Variants in ABCG2 observed in about 807,000 individuals in gnomAD.
The protein encoded by ABCG2 is ATP binding cassette subfamily G member 2 (JR blood group).
A neutral mutation model predicts 73.5 loss-of-function variants in ABCG2; 80 were observed. The observed-to-expected ratio is 1.09, with a 90% CI of 0.91 to 1.31. The LOEUF (loss-of-function observed/expected upper bound fraction) is 1.31, where lower values mean the gene tolerates loss of function less well. Among genes scored for constraint, ABCG2 ranks in the 50% most tolerant of loss-of-function variants. The pLI is 0.00. For synonymous variants in ABCG2, 269 were observed against 282.4 expected, an observed-to-expected ratio of 0.95 and a Z score of 0.48; for missense variants, 796 against 786.2, an observed-to-expected ratio of 1.01 and a Z score of -0.15.
chr4:88,174,374 T>A (rs1025196491), intron 1 of ABCG2, among the ~76,000 whole-genome samples: 1 of 152,190 alleles, frequency 6.6e-6, no homozygotes, highest in East Asian at 1.9e-4. Flanking sequence ...CCTGTGTCCA[T>A]GTGTTCTCAC....
intron 8 of ABCG2, 55 bp downstream of exon 8, chr4:88,114,902 A>G: frequency 7.9e-7 from 1 of 1,267,328 alleles, no homozygotes; most frequent in Non-Finnish European, 1.1e-6. Flanking sequence ...CCACATTGCT[A>G]AACTTCAGCC....
chr4:88,219,810 C>T (rs1167841793), intron 1 of ABCG2, among the ~76,000 whole-genome samples: 1 of 149,942 alleles, frequency 6.7e-6, no homozygotes, highest in Admixed American at 6.7e-5. Context: ...AGGATGGTCT[C>T]GATCTCCTGA....
intron 1 of ABCG2, among the ~76,000 whole-genome samples, chr4:88,142,739 G>A (rs563688197): frequency 6.6e-6 from 1 of 152,220 alleles, no homozygotes; most frequent in Non-Finnish European, 1.5e-5. Flanking sequence ...TTGAACGCAG[G>A]AATTCGAGGC....
rs375034577 is a variant in ABCG2, at chr4:88,196,825, A to G, written c.-20+34169T>C. Among the ~76,000 whole-genome samples, 120 of 151,694 alleles carry G rather than the reference A, an allele frequency of 7.9e-4. 6 individuals are homozygous for G. In the South Asian group the frequency reaches 0.023, roughly 29 times the overall value. On this transcript the variant is annotated intron_variant, in intron 1 of 15. Coordinates refer to the ABCG2 transcript ENST00000515655. The stretch of plus-strand genomic sequence containing the variant: ...AATCCCCTTTAGCATCGGACTGCGC[A>G]GGGAAATTTAAACCATTTTTAAATA...
At chr4:88,198,028 C>CAAAA (rs34030026) in intron 1 of ABCG2, among the ~76,000 whole-genome samples, 1 of 115,614 alleles carries the variant, frequency 8.6e-6, no homozygotes, top group Non-Finnish European at 1.8e-5. Context: ...AGACTGTCTC[C>CAAAA]AAAAAAAAAA....
intron 1 of ABCG2, among the ~76,000 whole-genome samples, chr4:88,174,015 G>A (rs1025097306): frequency 6.6e-6 from 1 of 152,104 alleles, no homozygotes; most frequent in African/African-American, 2.4e-5. Context: ...ACAGCAGTGT[G>A]TCCTTGAGAA....
Position 88,105,646 on chromosome 4 carries a change from G to A in ABCG2, c.1277+1538C>T, listed in dbSNP as rs373466322. On this transcript the variant is annotated intron_variant, in intron 10 of 15. Transcript: ENST00000237612. Reference sequence around the variant, plus strand: ...TAAGTCAAACATATATATTTAAAAAGTGACAGAAATTAGCTCACAGGCAAC... The same window carrying A: ...TAAGTCAAACATATATATTTAAAAAATGACAGAAATTAGCTCACAGGCAAC... 3.2e-4 allele frequency among the ~76,000 whole-genome samples: 48 copies of A among 152,228 alleles called. No individual in the cohort carries two copies. The South Asian group carries it at 1.0e-2, about 32-fold the overall frequency.
chr4:88,160,848 CAA>C (rs765758097), upstream of ABCG2, among the ~76,000 whole-genome samples: 21 of 37,446 alleles, frequency 5.6e-4, no homozygotes, highest in Middle Eastern at 0.017. Flanking sequence ...GACTCCATCT[CAA>C]AAAAAAAAAA....
rs571996291 is a variant in ABCG2 at position 88,167,191 on chromosome 4, G to T, written c.-19-27177C>A. On this transcript the variant is annotated intron_variant, in intron 1 of 15. Transcript: ENST00000515655. ...TCTCTAAAGAACCAAGCAGAGTAAGGTTGTTGGCAGAATCCATTTCTTTTT... is the reference window on the plus strand; with the variant it reads ...TCTCTAAAGAACCAAGCAGAGTAAGTTTGTTGGCAGAATCCATTTCTTTTT... Among the ~76,000 whole-genome samples the T allele has an allele frequency of 4.6e-3, 704 of 151,856 alleles. 7 individuals carry two copies. Among genetic ancestry groups the T allele is most frequent in the South Asian group, 0.015 (73 of 4,794 alleles).
intron 1 of ABCG2, among the ~76,000 whole-genome samples, chr4:88,181,430 G>T (rs922874465): frequency 8.5e-6 from 1 of 116,972 alleles, no homozygotes; most frequent in African/African-American, 3.9e-5. Flanking sequence ...AAAAGAATGG[G>T]CTGTAAGATA....
rs148362304 is a variant in ABCG2, at chr4:88,149,072, G to A, written c.-19-9058C>T. Among the ~76,000 whole-genome samples, 510 of 152,198 alleles carry A rather than the reference G, an allele frequency of 3.4e-3. 1 individual carries two copies. The highest frequency in any genetic ancestry group is 0.01 in the Middle Eastern group (3 of 294). On this transcript the variant is annotated intron_variant, in intron 1 of 15. Transcript: ENST00000237612. ...AAAAAATAAAATTGAAAAATTAGCC[G>A]GGTGTGGTGGCACATGCCTGTAGAC...
In ABCG2 at chr4:88,101,708, G is replaced by A. The variant is rs28480245; in HGVS notation, c.1278-389C>T. 6.3e-3 allele frequency among the ~76,000 whole-genome samples: 952 copies of A among 151,786 alleles called. 6 individuals are homozygous for A. Among genetic ancestry groups the A allele is most frequent in the African/African-American group, 0.022 (916 of 41,360 alleles). Reference sequence around the variant, plus strand: ...AATGGGAAGAGCGTCCTAATAGGAAGAGACACCAGAGCTCTTGCTCTGCCA... The same window carrying A: ...AATGGGAAGAGCGTCCTAATAGGAAAAGACACCAGAGCTCTTGCTCTGCCA... On this transcript the variant is annotated intron_variant, in intron 10 of 15. Transcript: ENST00000237612.
rs2110178124 is a variant in ABCG2, at chr4:88,097,562, A to C, written c.1538T>G (p.Leu513Arg). ...ADAFFVMMFTLMMVAYSASSM... is the reference protein window; with the variant it reads ...ADAFFVMMFTRMMVAYSASSM... ...ACTGGCTGAATAAGCCACCATCATAAGGGTAAACATCATAACGAAGAAGGC... is the reference window on the plus strand; with the variant it reads ...ACTGGCTGAATAAGCCACCATCATACGGGTAAACATCATAACGAAGAAGGC... Residue 513 changes from leucine to arginine, a missense_variant, in exon 13 of 16, where the codon CTT (leucine) becomes CGT (arginine). Transcript: ENST00000237612. The C allele has an allele frequency of 6.2e-7, 1 of 1,614,210 alleles. No homozygotes were observed. The highest frequency in any genetic ancestry group is 2.2e-5 in the East Asian group (1 of 44,886).
intron 1 of ABCG2, among the ~76,000 whole-genome samples, chr4:88,229,102 T>A (rs1057417504): frequency 2.0e-5 from 3 of 152,216 alleles, no homozygotes; most frequent in Non-Finnish European, 4.4e-5. Context: ...TCGCTCTTCA[T>A]AATAAATCTT....
At position 88,128,680 on chromosome 4, in the gene ABCG2, G is replaced by A. The variant is rs868779100; in HGVS notation, c.531+2381C>T. ...GCAAACTAACACAGGAACAGAAAACGAAACACTGCATGTTCTCACTCATAA... is the reference window on the plus strand; with the variant it reads ...GCAAACTAACACAGGAACAGAAAACAAAACACTGCATGTTCTCACTCATAA... On this transcript the variant is annotated intron_variant, in intron 5 of 15. Transcript: ENST00000237612. 9.9e-5 allele frequency among the ~76,000 whole-genome samples: 15 copies of A among 152,200 alleles called. No individual in the cohort carries two copies. In the South Asian group the frequency reaches 2.7e-3, roughly 27 times the overall value.
At chr4:88,131,296 T>C (rs568213194) in intron 4 of ABCG2, 83 bp from the exon 5 acceptor site, 3 of 1,391,474 alleles carry the variant, frequency 2.2e-6, no homozygotes, top group Non-Finnish European at 3.0e-6. Context: ...CATAACATAA[T>C]CCACAAAGAT....
chr4:88,149,041 C>T (rs901361129), intron 1 of ABCG2, among the ~76,000 whole-genome samples: 2 of 152,134 alleles, frequency 1.3e-5, no homozygotes, highest in African/African-American at 4.8e-5. Flanking sequence ...TTCTGCTCGT[C>T]TGTACAAAAA....
chr4:88,124,607 G>A lies in ABCG2; in HGVS notation c.532-2815C>T, dbSNP rs148538270. On this transcript the variant is annotated intron_variant, in intron 5 of 15. Transcript: ENST00000237612. ...TAAAGAGATCAATTCAACAAGAAGA[G>A]CTAACTATCTAAAATCTATATGCAC... is the stretch of plus-strand genomic sequence containing the variant. Among the ~76,000 whole-genome samples, 408 of 152,260 alleles carry A rather than the reference G, an allele frequency of 2.7e-3. 1 individual carries two copies. The highest frequency in any genetic ancestry group is 9.2e-3 in the African/African-American group (383 of 41,540).
chr4:88,131,162 C>A lies in ABCG2; in HGVS notation c.430G>T (p.Ala144Ser). The A allele has an allele frequency of 6.2e-7, 1 of 1,614,082 alleles. No individual in the cohort carries two copies. Among genetic ancestry groups the A allele is most frequent in the Non-Finnish European group, 8.5e-7 (1 of 1,180,010 alleles). The change falls in exon 5 of 16, where the codon GCA (alanine) becomes TCA (serine). Residue 144 changes from alanine (A) to serine (S), a missense_variant. Ala to Ser is a moderately conservative substitution (Grantham distance 99). Coordinates refer to ENST00000237612, the MANE Select transcript of ABCG2 (RefSeq NM_004827.3). ...ATAGTTGTTGCAAGCCGAAGAGCTG[C>A]TGAGAACTGTAAGTTTTCTCTCACC... ...LTVRENLQFS[A>S]ALRLATTMTN...
Sources: gnomAD v4.1 joint callset for allele counts (sites outside exome capture counted in the v4.1 genomes callset) on GRCh38, gnomAD v4.1.1 for gene constraint, MANE v1.5 for transcripts, NCBI Gene and HGNC (gene_info 2026-07-23, HGNC 2026-07-21) for gene names.